EPHB6: variants seen among roughly 807,000 people sequenced by gnomAD.
The protein encoded by EPHB6 is EPH receptor B6.
EPHB6 carries 51 observed loss-of-function variants against 107.0 expected under a neutral mutation model. That is an observed-to-expected ratio of 0.48 (90% CI 0.38 to 0.60). The LOEUF is 0.60. Ranked by LOEUF, EPHB6 falls within the 20% of genes least tolerant of loss-of-function variation. The pLI is 0.00. For missense variants in EPHB6, 1,141 were observed against 1,355.5 expected (o/e 0.84, Z 2.48); for synonymous variants, 553 against 549.0 (o/e 1.01, Z -0.10).
At position 142,863,661 on chromosome 7, in the gene EPHB6, C is replaced by G; in HGVS notation, c.131C>G (p.Ser44Cys). 1.9e-6 allele frequency: 3 copies of G among 1,613,974 alleles called. No individual in the cohort carries two copies. Among genetic ancestry groups the G allele is most frequent in the Non-Finnish European group, 2.5e-6 (3 of 1,180,004 alleles). Reference sequence around the variant, plus strand: ...TTGCTGGACACCACCGGAGAGACATCTGAGATTGGCTGGCTCACCTACCCA... The same window carrying G: ...TTGCTGGACACCACCGGAGAGACATGTGAGATTGGCTGGCTCACCTACCCA... ...EVLLDTTGETSEIGWLTYPPG... is the reference protein window; with the variant it reads ...EVLLDTTGETCEIGWLTYPPG... Residue 44 changes from serine to cysteine, a missense_variant, in exon 6 of 20, where the codon TCT becomes TGT. Transcript: ENST00000652003.
At position 142,867,521 on chromosome 7, in the gene EPHB6, C is replaced by A; in HGVS notation, c.1751-87C>A. ...GGCATGCGCGTGCATGTTGTGTGTG[C>A]CTGTGGTGTGTGTGGGTGCCTGGGC... On this transcript the variant is annotated intron_variant, in intron 11 of 19. Transcript: ENST00000652003. This position sits in a 1 kb window ranked among gnomAD's most constrained non-coding sequence, Gnocchi z 5.3. 2.7e-6 allele frequency: 3 copies of A among 1,113,920 alleles called. No homozygotes were observed. Among genetic ancestry groups the A allele is most frequent in the Non-Finnish European group, 4.0e-6 (3 of 751,372 alleles). 69.0% of individuals were successfully genotyped at this position (1,113,920 alleles called of 1,614,324 possible).
Position 142,866,025 on chromosome 7 carries a change from C to T in EPHB6, c.1171C>T (p.Arg391Cys), listed in dbSNP as rs983626270. The T allele has an allele frequency of 2.5e-6, 4 of 1,613,708 alleles. No individual in the cohort carries two copies. Among genetic ancestry groups the T allele is most frequent in the Non-Finnish European group, 3.4e-6 (4 of 1,179,880 alleles). The change falls in exon 9 of 20, where the codon CGC becomes TGC. Residue 391 changes from arginine (R) to cysteine (C), a missense_variant. By Grantham distance (180) the Arg-to-Cys change is radical. Transcript: ENST00000652003. This position sits in a 1 kb window ranked among gnomAD's most constrained non-coding sequence, Gnocchi z 5.2. ...VQGSALMLHW[R>C]LPRELGGRGD... ...AGGCTCAGCACTCATGCTACACTGG[C>T]GCCTGCCTCGGGAGCTGGGGGGTCG...
chr7:142,856,370 C>T lies in EPHB6; in HGVS notation c.-432+985C>T, dbSNP rs572339548. On this transcript the variant is annotated intron_variant, in intron 1 of 19. Transcript: ENST00000652003. ...GCCTTTTTTCTCAAAGGAAGATTAG[C>T]GTGGGGGTGTCTATGTACTTACCTG... Among the ~76,000 whole-genome samples the T allele has an allele frequency of 1.7e-4, 26 of 152,262 alleles. No homozygotes were observed. In the Middle Eastern group the frequency reaches 0.01, roughly 60 times the overall value.
chr7:142,856,978 CA>C (rs1308718313), intron 1 of EPHB6, among the ~76,000 whole-genome samples: 1 of 152,252 alleles, frequency 6.6e-6, no homozygotes, highest in Non-Finnish European at 1.5e-5. Flanking sequence ...TCCTGGCACT[CA>C]GGGGCTTTCT....
In EPHB6 at chr7:142,863,616, C is replaced by T; in HGVS notation, c.101-15C>T. On this transcript the variant is annotated splice_polypyrimidine_tract_variant and intron_variant, in intron 5 of 19. Coordinates refer to ENST00000652003, the MANE Select transcript of EPHB6 (RefSeq NM_004445.6). ...GGAGGCTTGGCCACTGTGTGCCCCT[C>T]TTATTTCTGGGCAGAGGTATTGCTG... 1 of 1,613,550 alleles carries T rather than the reference C, an allele frequency of 6.2e-7. No homozygotes were observed. Among genetic ancestry groups the T allele is most frequent in the African/African-American group, 1.3e-5 (1 of 74,988 alleles).
In EPHB6 at chr7:142,869,179, G is replaced by T. The variant is rs762498330; in HGVS notation, c.2460+32G>T. The T allele has an allele frequency of 1.2e-6, 2 of 1,604,466 alleles. No individual in the cohort carries two copies. The highest frequency in any genetic ancestry group is 3.3e-5 in the Admixed American group (2 of 59,918). On this transcript the variant is annotated intron_variant, in intron 16 of 19. Transcript: ENST00000652003. This position sits in a 1 kb window ranked among gnomAD's most constrained non-coding sequence, Gnocchi z 4.5. Reference sequence around the variant, plus strand: ...GCACAGCCTTGGGGACACAGCCTGGGGCCTTGTGGCATGCCCCAGCAGGTG... The same window carrying T: ...GCACAGCCTTGGGGACACAGCCTGGTGCCTTGTGGCATGCCCCAGCAGGTG...
Position 142,868,641 on chromosome 7 carries a change from C to T in EPHB6, c.2188C>T (p.Pro730Ser), listed in dbSNP as rs892698944. 1 of 1,613,762 alleles carries T rather than the reference C, an allele frequency of 6.2e-7. No individual in the cohort carries two copies. Among genetic ancestry groups the T allele is most frequent in the African/African-American group, 1.3e-5 (1 of 74,918 alleles). ...RAAVLGQFQH[P>S]NILRLEGVVT... ...CGCAGTGCTGGGTCAGTTCCAGCAC[C>T]CCAACATCCTGCGGCTGGAGGGCGT... Residue 730 changes from proline (P) to serine (S), a missense_variant, in exon 15 of 20, where the codon CCC (proline) becomes TCC (serine). Physicochemically the swap from Pro to Ser is moderately conservative, Grantham distance 74. This residue lies in a region of EPHB6 where 616 missense variants were observed against 759.3 expected (regional missense o/e 0.81). Transcript: ENST00000652003. The surrounding 1 kb of genome is among the most constrained non-coding windows in gnomAD (Gnocchi z 4.2).
chr7:142,866,837 T>TG lies in EPHB6; in HGVS notation c.1588-64dup, dbSNP rs1235914325. 19 of 1,611,870 alleles carry TG rather than the reference T, an allele frequency of 1.2e-5. No homozygotes were observed. In the African/African-American group the frequency reaches 2.0e-4, roughly 17 times the overall value. ...AGCCCTGTCAACCAGGGAGGGTGGC[T>TG]GGGGGCCTTAGGGGCAGAAGCAGGG... On this transcript the variant is annotated intron_variant, in intron 10 of 19. Coordinates refer to ENST00000652003, the MANE Select transcript of EPHB6 (RefSeq NM_004445.6). The surrounding 1 kb of genome is among the most constrained non-coding windows in gnomAD (Gnocchi z 5.2).
At position 142,864,303 on chromosome 7, in the gene EPHB6, C is replaced by G; in HGVS notation, c.503C>G (p.Ser168Cys). ...IAADESFPSS[S>C]SSSSSSSSSA... ...GCAGACGAGAGCTTTCCCTCCTCCT[C>G]CTCCTCCTCCTCCTCCTCTTCTTCC... Residue 168 changes from serine to cysteine, a missense_variant, in exon 7 of 20, where the codon TCC becomes TGC. Around this residue, in one of 3 missense-constraint regions of EPHB6, gnomAD observed 221 missense variants for 300.5 expected, o/e 0.74. Transcript: ENST00000652003. 6.2e-7 allele frequency: 1 copy of G among 1,610,656 alleles called. No individual in the cohort carries two copies. Among genetic ancestry groups the G allele is most frequent in the Non-Finnish European group, 8.5e-7 (1 of 1,178,198 alleles).
chr7:142,870,991 G>T lies in EPHB6; in HGVS notation c.*87G>T. The stretch of plus-strand genomic sequence containing the variant: ...AGCCGGGCTCCAACAGCCTCTGTGA[G>T]AGATGCCCCACACCAAACCCAACCC... On this transcript the variant is annotated 3_prime_UTR_variant, in exon 20 of 20. Coordinates refer to ENST00000652003, the MANE Select transcript of EPHB6 (RefSeq NM_004445.6). The T allele has an allele frequency of 7.6e-7, 1 of 1,307,968 alleles. No individual in the cohort carries two copies. The highest frequency in any genetic ancestry group is 1.1e-6 in the Non-Finnish European group (1 of 939,928). The allele number at this position is 1,307,968 out of a possible 1,614,324, so 81.0% of individuals were successfully genotyped here. A position where few individuals can be genotyped will look rare whatever the true frequency, so the allele number is the denominator to read the frequency against.
In EPHB6 at chr7:142,868,123, C is replaced by T; in HGVS notation, c.1918+74C>T. ...GGCACATGGCAGGCAAGGCTGGATC[C>T]CCCCAAGATTGGGGGAGCTCCTTGG... On this transcript the variant is annotated intron_variant, in intron 13 of 19. Coordinates refer to ENST00000652003, the MANE Select transcript of EPHB6 (RefSeq NM_004445.6). This position sits in a 1 kb window ranked among gnomAD's most constrained non-coding sequence, Gnocchi z 4.2. 1 of 1,613,658 alleles carries T rather than the reference C, an allele frequency of 6.2e-7. No individual in the cohort carries two copies. The highest frequency in any genetic ancestry group is 8.5e-7 in the Non-Finnish European group (1 of 1,179,672).
Position 142,869,809 on chromosome 7 carries a change from C to T in EPHB6, c.2461-8C>T, listed in dbSNP as rs369218506. The T allele has an allele frequency of 3.2e-5, 51 of 1,614,040 alleles. No homozygotes were observed. In the African/African-American group the frequency reaches 3.7e-4, roughly 12 times the overall value. ...TTATTACTATTTGCTTTTGACTTTA[C>T]CCCTCAGGGCCCAAGTTGTTTGCTT... On this transcript the variant is annotated splice_region_variant and splice_polypyrimidine_tract_variant and intron_variant, in intron 16 of 19. Transcript: ENST00000652003. This position sits in a 1 kb window ranked among gnomAD's most constrained non-coding sequence, Gnocchi z 4.5.
At chr7:142,856,773 G>A (rs1802628812) in intron 1 of EPHB6, among the ~76,000 whole-genome samples, 1 of 152,132 alleles carries the variant, frequency 6.6e-6, no homozygotes, top group Non-Finnish European at 1.5e-5. Flanking sequence ...GGTAGAGCAG[G>A]GGCCGAAGGT....
rs1244202470 is a variant in EPHB6, at chr7:142,855,966, G to A, written c.-432+581G>A. ...GTGCTCCTGCCCCAGCTCCACCCTCGCTCTGCTCCCTCCATCTGGGTGCTT... is the reference window on the plus strand; with the variant it reads ...GTGCTCCTGCCCCAGCTCCACCCTCACTCTGCTCCCTCCATCTGGGTGCTT... On this transcript the variant is annotated intron_variant, in intron 1 of 19. Transcript: ENST00000652003. The surrounding 1 kb of genome is among the most constrained non-coding windows in gnomAD (Gnocchi z 4.2). Among the ~76,000 whole-genome samples, 1 of 152,080 alleles carries A rather than the reference G, an allele frequency of 6.6e-6. No homozygotes were observed. The highest frequency in any genetic ancestry group is 1.5e-5 in the Non-Finnish European group (1 of 68,000).
chr7:142,864,610 G>A lies in EPHB6; in HGVS notation c.810G>A (p.Glu270=), dbSNP rs2116426651. The A allele has an allele frequency of 6.2e-7, 1 of 1,612,766 alleles. No individual in the cohort carries two copies. Among genetic ancestry groups the A allele is most frequent in the Non-Finnish European group, 8.5e-7 (1 of 1,179,730 alleles). ...VGTCVAHAEP[E]EDGVGGQAGG... ...CCTGTGTGGCTCATGCAGAGCCAGA[G>A]GAGGATGGAGTAGGGGGCCAGGCAG... Residue 270 remains glutamate (E), a synonymous_variant, in exon 7 of 20, where the codon GAG becomes GAA. Transcript: ENST00000652003.
chr7:142,861,793 T>C (rs1219632763), intron 2 of EPHB6, among the ~76,000 whole-genome samples: 1 of 152,220 alleles, frequency 6.6e-6, no homozygotes, highest in Non-Finnish European at 1.5e-5. Flanking sequence ...AAGTATACAG[T>C]ACCTGAAGGA....
intron 1 of EPHB6, among the ~76,000 whole-genome samples, chr7:142,860,109 T>C (rs1389084498): frequency 6.6e-6 from 1 of 152,264 alleles, no homozygotes; most frequent in Non-Finnish European, 1.5e-5. Context: ...CTTGCTTGGC[T>C]GTCTTTCAAA....
In EPHB6 at chr7:142,864,451, G is replaced by T; in HGVS notation, c.651G>T (p.Thr217=). The change falls in exon 7 of 20, where the codon ACG becomes ACT. Residue 217 remains threonine (T), a synonymous_variant. Coordinates refer to ENST00000652003, the MANE Select transcript of EPHB6 (RefSeq NM_004445.6). ...GCTTCTACGTGGCCTTCCAGGACAC[G>T]GGGGCCTGCCTGGCCCTGGTCGCTG... ...QRGFYVAFQD[T]GACLALVAVR... 1 of 1,612,648 alleles carries T rather than the reference G, an allele frequency of 6.2e-7. No homozygotes were observed.
In EPHB6 at chr7:142,864,481, G is replaced by A. The variant is rs780639428; in HGVS notation, c.681G>A (p.Arg227=). 7.4e-6 allele frequency: 12 copies of A among 1,613,220 alleles called. No homozygotes were observed. In the South Asian group the frequency reaches 1.2e-4, roughly 16 times the overall value. ...CCTGCCTGGCCCTGGTCGCTGTCAG[G>A]CTCTTCTCCTACACCTGCCCTGCCG... ...TGACLALVAV[R]LFSYTCPAVL... The change falls in exon 7 of 20, where the codon AGG becomes AGA. Residue 227 remains arginine, a synonymous_variant. Transcript: ENST00000652003.
Sources: gnomAD v4.1 joint callset for allele counts (sites outside exome capture counted in the v4.1 genomes callset) on GRCh38, gnomAD v4.1.1 for gene constraint, gnomAD v4.1.1 regional missense constraint, Gnocchi (gnomAD v3.1) non-coding constraint, MANE v1.5 for transcripts, NCBI Gene and HGNC (gene_info 2026-07-23, HGNC 2026-07-21) for gene names.